PPP2R2B: variants seen among roughly 807,000 people sequenced by gnomAD.
PPP2R2B encodes serine/threonine-protein phosphatase 2A 55 kDa regulatory subunit B beta isoform.
A neutral mutation model predicts 46.0 loss-of-function variants in PPP2R2B; 5 were observed. That is an observed-to-expected ratio of 0.11 (90% CI 0.06 to 0.23). The LOEUF is 0.23. Among genes scored for constraint, PPP2R2B ranks in the 10% least tolerant of loss-of-function variants. The pLI, the probability that PPP2R2B is intolerant of heterozygous loss-of-function variation, is 1.00. For missense variants in PPP2R2B, 367 were observed against 575.0 expected, an observed-to-expected ratio of 0.64 and a Z score of 3.70; for synonymous variants, 215 against 206.7, an observed-to-expected ratio of 1.04 and a Z score of -0.34.
At chr5:146,649,440 TTTTTTA>T (rs1400307741) in intron 6 of PPP2R2B, among the ~76,000 whole-genome samples, 1 of 151,796 alleles carries the variant, frequency 6.6e-6, no homozygotes, top group Non-Finnish European at 1.5e-5. Flanking sequence ...TTTCTATATA[TTTTTTA>T]TTTTTATTAT....
intron 7 of PPP2R2B, among the ~76,000 whole-genome samples, chr5:146,632,061 G>GCACCCCC (rs1774459847): frequency 9.6e-6 from 1 of 103,998 alleles, no homozygotes; most frequent in Admixed American, 1.1e-4. Context: ...GCTGAGTTGT[G>GCACCCCC]CCCCCCCCCC....
intron 2 of PPP2R2B, among the ~76,000 whole-genome samples, chr5:146,830,181 A>C (rs1758841374): frequency 6.6e-6 from 1 of 152,170 alleles, no homozygotes; most frequent in Non-Finnish European, 1.5e-5. Flanking sequence ...TCTGGGTTTG[A>C]CTTCTGGCTG....
At chr5:147,054,801 T>A (rs553683958) in intron 1 of PPP2R2B, 57 of 400,444 alleles carry the variant, frequency 1.4e-4, no homozygotes, top group African/African-American at 9.2e-4. Context: ...AGTAGGACAA[T>A]CCTTAAGCCT....
chr5:146,978,646 T>G (rs953510190), intron 1 of PPP2R2B, among the ~76,000 whole-genome samples: 1 of 152,220 alleles, frequency 6.6e-6, no homozygotes, highest in Non-Finnish European at 1.5e-5. Context: ...CCATTTCTTG[T>G]TTTTGTCAGG....
intron 1 of PPP2R2B, among the ~76,000 whole-genome samples, chr5:147,027,234 A>G (rs1042197276): frequency 6.6e-6 from 1 of 152,232 alleles, no homozygotes; most frequent in African/African-American, 2.4e-5. Context: ...AAGCCAACAT[A>G]TAATGATCAA....
intron 2 of PPP2R2B, among the ~76,000 whole-genome samples, chr5:146,761,227 C>T (rs1247352040): frequency 3.9e-5 from 6 of 152,094 alleles, no homozygotes; most frequent in African/African-American, 7.2e-5. Flanking sequence ...ATGTTTATTG[C>T]GGCACTGCTC....
intron 1 of PPP2R2B, among the ~76,000 whole-genome samples, chr5:147,032,236 G>C (rs1755818692): frequency 6.6e-6 from 1 of 152,152 alleles, no homozygotes; most frequent in African/African-American, 2.4e-5. Flanking sequence ...AGTGGGCTAA[G>C]GACATGAATA....
intron 1 of PPP2R2B, among the ~76,000 whole-genome samples, chr5:147,029,234 G>A (rs1366456651): frequency 6.6e-6 from 1 of 152,108 alleles, no homozygotes; most frequent in East Asian, 1.9e-4. Flanking sequence ...ACCTAAGGTT[G>A]TCAATATTTT....
At chr5:146,853,905 C>A (rs1324457736) in intron 2 of PPP2R2B, among the ~76,000 whole-genome samples, 1 of 151,926 alleles carries the variant, frequency 6.6e-6, no homozygotes, top group Non-Finnish European at 1.5e-5. Flanking sequence ...CCTCATGAGC[C>A]CTGCTCTGAG....
intron 1 of PPP2R2B, among the ~76,000 whole-genome samples, chr5:146,954,822 G>C (rs1125900): frequency 6.6e-6 from 1 of 150,686 alleles, no homozygotes; most frequent in Admixed American, 6.6e-5. Flanking sequence ...TGATACTACT[G>C]AGTGTTTCCT....
intron 2 of PPP2R2B, among the ~76,000 whole-genome samples, chr5:146,809,695 A>G (rs1757407785): frequency 6.6e-6 from 1 of 152,186 alleles, no homozygotes; most frequent in African/African-American, 2.4e-5. Context: ...GAGTCTTGGT[A>G]AGGCGTTTGC....
chr5:147,071,802 G>T (rs1006775789), intron 2 of PPP2R2B, among the ~76,000 whole-genome samples: 1 of 152,080 alleles, frequency 6.6e-6, no homozygotes, highest in Non-Finnish European at 1.5e-5. Flanking sequence ...TACGTCTATT[G>T]TCTAGCCCCT....
chr5:146,677,147 C>T (rs1438872156), intron 5 of PPP2R2B, among the ~76,000 whole-genome samples: 1 of 152,178 alleles, frequency 6.6e-6, no homozygotes, highest in Non-Finnish European at 1.5e-5. Flanking sequence ...TTTAAAAATT[C>T]AAGCTTTCAG....
intron 2 of PPP2R2B, among the ~76,000 whole-genome samples, chr5:146,825,018 C>T (rs1207032106): frequency 1.3e-5 from 2 of 152,140 alleles, no homozygotes; most frequent in Non-Finnish European, 2.9e-5. Context: ...GCCACCGCAC[C>T]CAGCCAAAAA....
At chr5:146,743,272 T>C (rs368441501) in intron 2 of PPP2R2B, among the ~76,000 whole-genome samples, 1 of 152,124 alleles carries the variant, frequency 6.6e-6, no homozygotes, top group East Asian at 1.9e-4. Flanking sequence ...CTTTTCACCA[T>C]TCAAATAGGA....
intron 2 of PPP2R2B, among the ~76,000 whole-genome samples, chr5:146,802,982 G>A (rs2151307508): frequency 6.6e-6 from 1 of 152,176 alleles, no homozygotes; most frequent in East Asian, 1.9e-4. Flanking sequence ...TCAAGGAGCT[G>A]GAACCAGAGC....
At chr5:146,875,816 A>G (rs1474347962) in intron 2 of PPP2R2B, among the ~76,000 whole-genome samples, 1 of 152,170 alleles carries the variant, frequency 6.6e-6, no homozygotes, top group Non-Finnish European at 1.5e-5. Flanking sequence ...AATTTTTAAA[A>G]AGTCTTTTGA....
chr5:147,016,791 G>A (rs1357743396), intron 1 of PPP2R2B, among the ~76,000 whole-genome samples: 3 of 151,604 alleles, frequency 2.0e-5, no homozygotes, highest in Non-Finnish European at 4.4e-5. Context: ...CATAATAAAA[G>A]GCAAGAAGAC....
At chr5:146,953,431 G>A (rs1039284298) in intron 1 of PPP2R2B, among the ~76,000 whole-genome samples, 5 of 152,132 alleles carry the variant, frequency 3.3e-5, no homozygotes, top group Non-Finnish European at 5.9e-5. Context: ...AAGTCACTGA[G>A]TTGCCATATA....
Sources: gnomAD v4.1 joint callset for allele counts (sites outside exome capture counted in the v4.1 genomes callset) on GRCh38, gnomAD v4.1.1 for gene constraint, MANE v1.5 for transcripts, NCBI Gene and HGNC (gene_info 2026-07-23, HGNC 2026-07-21) for gene names.